PIK3R2: variants seen among roughly 807,000 people sequenced by gnomAD.
PIK3R2 encodes the protein phosphatidylinositol 3-kinase regulatory subunit beta.
A neutral mutation model predicts 78.5 loss-of-function variants in PIK3R2; 40 were observed. That is an observed-to-expected ratio of 0.51 (90% CI 0.40 to 0.66). The LOEUF (loss-of-function observed/expected upper bound fraction) is 0.66. Ranked by LOEUF, PIK3R2 falls within the 30% of genes least tolerant of loss-of-function variation. PIK3R2 has a pLI of 0.00. For synonymous variants in PIK3R2, 473 were observed against 457.7 expected (o/e 1.03, Z -0.43); for missense variants, 880 against 1,026.6 (o/e 0.86, Z 1.95).
rs932539110 is a variant in PIK3R2 at position 18,169,400 on chromosome 19, T to A, written c.*106T>A. The A allele has an allele frequency of 6.0e-6, 3 of 497,680 alleles. No individual in the cohort carries two copies. In the African/African-American group the frequency reaches 6.1e-5, roughly 10 times the overall value. The allele number at this position is 497,680 out of a possible 1,614,324, so 30.8% of individuals were successfully genotyped here. The stretch of plus-strand genomic sequence containing the variant: ...ACCAGCCACATCCAGGGGTCCTCAT[T>A]TCTCCGGCTCTGGCTCTTGTTTGGG... On this transcript the variant is annotated 3_prime_UTR_variant, in exon 16 of 16. Coordinates refer to ENST00000222254, the MANE Select transcript of PIK3R2 (RefSeq NM_005027.4).
At chr19:18,162,868 C>T in intron 9 of PIK3R2, 99 bp from the exon 10 acceptor site, 3 of 1,135,824 alleles carry the variant, frequency 2.6e-6, no homozygotes, top group Non-Finnish European at 3.8e-6. Flanking sequence ...GCAGCCTGGA[C>T]AACAGAGCAG....
At chr19:18,166,598 C>T (rs1440783557) in intron 12 of PIK3R2, among the ~76,000 whole-genome samples, 1 of 151,390 alleles carries the variant, frequency 6.6e-6, no homozygotes, top group Non-Finnish European at 1.5e-5. Flanking sequence ...GTAGTCCCAG[C>T]TACTTGGGAG....
In PIK3R2 at chr19:18,161,182, CG is replaced by C; in HGVS notation, c.598+1del. 6.5e-7 allele frequency: 1 copy of C among 1,545,654 alleles called. No individual in the cohort carries two copies. Among genetic ancestry groups the C allele is most frequent in the East Asian group, 2.4e-5 (1 of 40,894 alleles). ...CTCGGCCGAGGCGCGCCGGGCCCTG[CG>C]GGGTGAGCCTGGCGGGTAGCCCGGG... is the stretch of plus-strand genomic sequence containing the variant. ...EASAEARRAL[R>X]EAAGPVGPAL... On this transcript the variant is annotated frameshift_variant and splice_region_variant, in exon 5 of 16. Transcript: ENST00000222254. LOFTEE classifies it high-confidence loss of function. The surrounding 1 kb of genome is among the most constrained non-coding windows in gnomAD (Gnocchi z 5.3).
intron 2 of PIK3R2, 102 bp from the exon 3 acceptor site, chr19:18,160,369 C>G (rs756093764): frequency 3.1e-5 from 23 of 751,720 alleles, no homozygotes; most frequent in African/African-American, 3.0e-4. Context: ...TGAGCTGGGC[C>G]CTGCCTCAAA....
At position 18,155,572 on chromosome 19, in the gene PIK3R2, G is replaced by A. The variant is rs2043668478; in HGVS notation, c.-308G>A. The A allele has an allele frequency of 6.2e-6, 3 of 484,592 alleles. No individual in the cohort carries two copies. Among genetic ancestry groups the A allele is most frequent in the Non-Finnish European group, 1.1e-5 (3 of 277,156 alleles). The allele number at this position is 484,592 out of a possible 1,614,324, so 30.0% of individuals were successfully genotyped here. A position where few individuals can be genotyped will look rare whatever the true frequency, so the allele number is the denominator to read the frequency against. Reference sequence around the variant, plus strand: ...CCCATGGCCCTCCGTGTGAGGGCGTGAGCGGCCTGCCCCAGCCTCACCTGC... The same window carrying A: ...CCCATGGCCCTCCGTGTGAGGGCGTAAGCGGCCTGCCCCAGCCTCACCTGC... On this transcript the variant is annotated 5_prime_UTR_variant, in exon 2 of 16. It removes the in-frame stop codon of an upstream open reading frame in the 5' UTR. Transcript: ENST00000222254.
rs544339734 is a variant in PIK3R2, at chr19:18,164,681, G to A, written c.1416+1293G>A. ...GACAGTGTCTTGCTCTGTCATCCAG[G>A]CTAGAGTGCTGTGGCATGATCTCAG... On this transcript the variant is annotated intron_variant, in intron 11 of 15. Transcript: ENST00000222254. Among the ~76,000 whole-genome samples, 8 of 146,876 alleles carry A rather than the reference G, an allele frequency of 5.4e-5. No individual in the cohort carries two copies. The South Asian group carries it at 1.7e-3, about 31-fold the overall frequency.
At position 18,162,024 on chromosome 19, in the gene PIK3R2, T is replaced by C. The variant is rs937001037; in HGVS notation, c.874T>C (p.Leu292=). Residue 292 remains leucine (L), a synonymous_variant, in exon 7 of 16, where the codon TTG becomes CTG. Coordinates refer to ENST00000222254, the MANE Select transcript of PIK3R2 (RefSeq NM_005027.4). ...GGTGGAGAAGCTGCTTCAGGAACAC[T>C]TGGAAGAGCAGGAGGTTGCGCCCCC... ...LLVEKLLQEH[L]EEQEVAPPAL... The C allele has an allele frequency of 1.9e-6, 3 of 1,613,878 alleles. No homozygotes were observed. Among genetic ancestry groups the C allele is most frequent in the Non-Finnish European group, 2.5e-6 (3 of 1,179,918 alleles).
rs565071958 is a variant in PIK3R2, at chr19:18,167,887, C to T, written c.1736+581C>T. On this transcript the variant is annotated intron_variant, in intron 13 of 15. Coordinates refer to ENST00000222254, the MANE Select transcript of PIK3R2 (RefSeq NM_005027.4). The surrounding 1 kb of genome is among the most constrained non-coding windows in gnomAD (Gnocchi z 4.5). ...TCAGAAAAGAAAAGAAAAAAAAAAT[C>T]GCCTGCTGTGCAACCTACCATGCTG... 6.6e-5 allele frequency among the ~76,000 whole-genome samples: 10 copies of T among 152,064 alleles called. No individual in the cohort carries two copies. The highest frequency in any genetic ancestry group is 2.2e-4 in the African/African-American group (9 of 41,506).
chr19:18,160,796 C>A, intron 3 of PIK3R2, 123 bp from the exon 4 acceptor site: 2 of 1,229,760 alleles, frequency 1.6e-6, no homozygotes, highest in Non-Finnish European at 2.3e-6. Flanking sequence ...CCCTCCCCAC[C>A]CCTCCCATGC....
At position 18,168,928 on chromosome 19, in the gene PIK3R2, G is replaced by C; in HGVS notation, c.1979+32G>C. The C allele has an allele frequency of 6.3e-7, 1 of 1,596,096 alleles. No homozygotes were observed. The highest frequency in any genetic ancestry group is 8.5e-7 in the Non-Finnish European group (1 of 1,170,752). On this transcript the variant is annotated intron_variant, in intron 15 of 15. Coordinates refer to ENST00000222254, the MANE Select transcript of PIK3R2 (RefSeq NM_005027.4). This position sits in a 1 kb window ranked among gnomAD's most constrained non-coding sequence, Gnocchi z 4.1. ...GGACCGCAGCGGTGGGGATTCCCGC[G>C]TCCCTCCCAGAGCTCTCATTGAATG...
rs273277 is a variant in PIK3R2 at position 18,153,650 on chromosome 19, C to T, written c.-424+356C>T. 4.1e-3 allele frequency among the ~76,000 whole-genome samples: 628 copies of T among 152,276 alleles called. 6 individuals carry two copies. Among genetic ancestry groups the T allele is most frequent in the African/African-American group, 0.014 (598 of 41,560 alleles). ...AATGGGGTGCGGGAGGGCCGGGGGTCGAACCCACTTCCGGTCCCCTAGCCG... is the reference window on the plus strand; with the variant it reads ...AATGGGGTGCGGGAGGGCCGGGGGTTGAACCCACTTCCGGTCCCCTAGCCG... On this transcript the variant is annotated intron_variant, in intron 1 of 15. Coordinates refer to ENST00000222254, the MANE Select transcript of PIK3R2 (RefSeq NM_005027.4).
intron 3 of PIK3R2, 110 bp from the exon 4 acceptor site, chr19:18,160,809 T>C: frequency 9.2e-7 from 1 of 1,089,168 alleles, no homozygotes; most frequent in Non-Finnish European, 1.4e-6. Context: ...TCCCATGCCC[T>C]TATCTCTGGG....
chr19:18,165,248 G>A (rs1216650386), intron 11 of PIK3R2, among the ~76,000 whole-genome samples: 1 of 151,058 alleles, frequency 6.6e-6, no homozygotes, highest in African/African-American at 2.4e-5. Context: ...ACCTGTAATC[G>A]CAGCTACTCA....
rs762884959 is a variant in PIK3R2 at position 18,163,078 on chromosome 19, C to T, written c.1221C>T (p.His407=). Residue 407 remains histidine (H), a synonymous_variant, in exon 10 of 16, where the codon CAC becomes CAT. Coordinates refer to ENST00000222254, the MANE Select transcript of PIK3R2 (RefSeq NM_005027.4). The part of the protein sequence containing the change: ...SVVDLINHYR[H]ESLAQYNAKL... ...TGGACCTCATCAATCACTACCGCCACGAGTCTCTGGCCCAGTACAATGCCA... is the reference window on the plus strand; with the variant it reads ...TGGACCTCATCAATCACTACCGCCATGAGTCTCTGGCCCAGTACAATGCCA... 31 of 1,613,798 alleles carry T rather than the reference C, an allele frequency of 1.9e-5. No individual in the cohort carries two copies. The Middle Eastern group carries it at 4.9e-4, about 26-fold the overall frequency.
Position 18,156,201 on chromosome 19 carries a change from G to A in PIK3R2, c.322G>A (p.Gly108Ser), listed in dbSNP as rs765179423. Reference sequence around the variant, plus strand: ...GCCCCGTGATGGGGCCCCTGAGCCAGGTGAGCAGCAAGCAGGGGCCCTGGA... The same window carrying A: ...GCCCCGTGATGGGGCCCCTGAGCCAAGTGAGCAGCAAGCAGGGGCCCTGGA... ...ARPRDGAPEPGLTLPDLPEQF... is the reference protein window; with the variant it reads ...ARPRDGAPEPSLTLPDLPEQF... The change falls in exon 2 of 16, where the codon GGC becomes AGC. Residue 108 changes from glycine (G) to serine (S), a missense_variant and splice_region_variant. By Grantham distance (56) the Gly-to-Ser change is moderately conservative (BLOSUM62 0). Coordinates refer to ENST00000222254, the MANE Select transcript of PIK3R2 (RefSeq NM_005027.4). This position sits in a 1 kb window ranked among gnomAD's most constrained non-coding sequence, Gnocchi z 4.2. 8 of 1,467,754 alleles carry A rather than the reference G, an allele frequency of 5.5e-6. No homozygotes were observed. The South Asian group carries it at 1.0e-4, about 19-fold the overall frequency. 90.9% of individuals were successfully genotyped at this position (1,467,754 alleles called of 1,614,324 possible).
Position 18,156,266 on chromosome 19 carries a change from G to A in PIK3R2, c.322+65G>A, listed in dbSNP as rs559975300. ...CCTCAGACCCTTGGTCTCCTCTTCTGTCCAGTGAGGCAATGGGATCTCCAA... is the reference window on the plus strand; with the variant it reads ...CCTCAGACCCTTGGTCTCCTCTTCTATCCAGTGAGGCAATGGGATCTCCAA... On this transcript the variant is annotated intron_variant, in intron 2 of 15. Coordinates refer to ENST00000222254, the MANE Select transcript of PIK3R2 (RefSeq NM_005027.4). The surrounding 1 kb of genome is among the most constrained non-coding windows in gnomAD (Gnocchi z 4.2). 113 of 1,234,334 alleles carry A rather than the reference G, an allele frequency of 9.2e-5. No individual in the cohort carries two copies. In the South Asian group the frequency reaches 1.7e-3, roughly 18 times the overall value. 76.5% of individuals were successfully genotyped at this position (1,234,334 alleles called of 1,614,324 possible).
rs775377405 is a variant in PIK3R2 at position 18,168,880 on chromosome 19, T to C, written c.1963T>C (p.Tyr655His). The C allele has an allele frequency of 6.2e-7, 1 of 1,613,076 alleles. No homozygotes were observed. The change falls in exon 15 of 16, where the codon TAC (tyrosine) becomes CAC (histidine). Residue 655 changes from tyrosine (Y) to histidine (H), a missense_variant. Around this residue, in one of 3 missense-constraint regions of PIK3R2, gnomAD observed 268 missense variants for 299.1 expected, o/e 0.90. Transcript: ENST00000222254. This position sits in a 1 kb window ranked among gnomAD's most constrained non-coding sequence, Gnocchi z 4.1. ...CCGCGAGAGCAGCCAGCGGGGCTGC[T>C]ACGCCTGCTCCGTGGTGTGAGTGGA... Reference protein sequence around the residue: ...LIRESSQRGCYACSVVVDGDT... With the variant: ...LIRESSQRGCHACSVVVDGDT...
At chr19:18,164,415 G>A (rs954321325) in intron 11 of PIK3R2, among the ~76,000 whole-genome samples, 1 of 152,174 alleles carries the variant, frequency 6.6e-6, no homozygotes, top group Non-Finnish European at 1.5e-5. Context: ...GCTGAGGCGG[G>A]AGGATCGCTT....
At position 18,161,272 on chromosome 19, in the gene PIK3R2, T is replaced by C; in HGVS notation, c.599-7T>C. On this transcript the variant is annotated splice_region_variant and splice_polypyrimidine_tract_variant and intron_variant, in intron 5 of 15. Coordinates refer to ENST00000222254, the MANE Select transcript of PIK3R2 (RefSeq NM_005027.4). This position sits in a 1 kb window ranked among gnomAD's most constrained non-coding sequence, Gnocchi z 5.3. Reference sequence around the variant, plus strand: ...TGGCTCACCCTGCCCTGGCCATCTGTCCGCAGAGGCCGCGGGGCCCGTGGG... The same window carrying C: ...TGGCTCACCCTGCCCTGGCCATCTGCCCGCAGAGGCCGCGGGGCCCGTGGG... 7.1e-7 allele frequency: 1 copy of C among 1,408,990 alleles called. No individual in the cohort carries two copies. 87.3% of individuals were successfully genotyped at this position (1,408,990 alleles called of 1,614,324 possible).
Sources: allele counts gnomAD v4.1 joint callset (sites outside exome capture counted in the v4.1 genomes callset), GRCh38; gene constraint gnomAD v4.1.1; regional missense constraint gnomAD v4.1.1; non-coding constraint Gnocchi (gnomAD v3.1); transcripts MANE v1.5; gene names NCBI Gene and HGNC (gene_info 2026-07-23, HGNC 2026-07-21).